The following TSC22D4 variants were observed in gnomAD, a reference collection of about 807,000 sequenced individuals.
TSC22D4 encodes the protein TSC22 domain family member 4, also known as TSC22 domain family protein 4.
A neutral mutation model predicts 24.9 loss-of-function variants in TSC22D4; 5 were observed. That is an observed-to-expected ratio of 0.20 (90% CI 0.10 to 0.42). The LOEUF is 0.42. Ranked by LOEUF, TSC22D4 falls within the 10% of genes least tolerant of loss-of-function variation. TSC22D4 has a pLI of 1.00. For synonymous variants in TSC22D4, 245 were observed against 243.2 expected (o/e 1.01, Z -0.07); for missense variants, 469 against 547.9 (o/e 0.86, Z 1.44).
chr7:100,477,456 G>T lies in TSC22D4; in HGVS notation c.583C>A (p.Pro195Thr). Residue 195 changes from proline (P) to threonine (T), a missense_variant, in exon 2 of 5, where the codon CCC (proline) becomes ACC (threonine). Coordinates refer to ENST00000300181, the MANE Select transcript of TSC22D4 (RefSeq NM_030935.5). This position sits in a 1 kb window ranked among gnomAD's most constrained non-coding sequence, Gnocchi z 7.8. ...PLSASSPQQR[P>T]PEPETGESAG... ...CTCTCACCGGTCTCAGGCTCTGGGG[G>T]GCGCTGCTGGGGTGAGGAGGCCGAC... 1.9e-6 allele frequency: 3 copies of T among 1,561,538 alleles called. No homozygotes were observed. Among genetic ancestry groups the T allele is most frequent in the Non-Finnish European group, 2.6e-6 (3 of 1,154,512 alleles).
chr7:100,472,463 T>G (rs2131046357), intron 3 of TSC22D4, among the ~76,000 whole-genome samples: 1 of 146,744 alleles, frequency 6.8e-6, no homozygotes, highest in African/African-American at 2.6e-5. Context: ...GACGGAGGCC[T>G]CAGGAGGTTG....
At position 100,478,121 on chromosome 7, in the gene TSC22D4, G is replaced by GT; in HGVS notation, c.-84_-83insA. On this transcript the variant is annotated 5_prime_UTR_variant, in exon 2 of 5. The change abolishes the stop of an existing upstream ORF in the 5' untranslated region. Transcript: ENST00000300181. ...GGCTCAGGCACCCCTGGAACAAGGG[G>GT]GCCACATGGCGGGGACATCCGAGCC... is the stretch of plus-strand genomic sequence containing the variant. 1 of 1,238,474 alleles carries GT rather than the reference G, an allele frequency of 8.1e-7. No homozygotes were observed. The highest frequency in any genetic ancestry group is 1.1e-6 in the Non-Finnish European group (1 of 906,440). 76.7% of individuals were successfully genotyped at this position (1,238,474 alleles called of 1,614,324 possible). A position where few individuals can be genotyped will look rare whatever the true frequency, so the allele number is the denominator to read the frequency against.
intron 3 of TSC22D4, chr7:100,467,975 C>T: frequency 2.0e-6 from 1 of 495,018 alleles, no homozygotes; most frequent in Middle Eastern, 3.1e-4. Context: ...GACACCCCCC[C>T]AATGGAGAGG....
Position 100,474,579 on chromosome 7 carries a change from C to T in TSC22D4, c.763-139G>A. The T allele has an allele frequency of 3.0e-6, 3 of 992,712 alleles. No individual in the cohort carries two copies. Among genetic ancestry groups the T allele is most frequent in the Non-Finnish European group, 4.4e-6 (3 of 679,952 alleles). 61.5% of individuals were successfully genotyped at this position (992,712 alleles called of 1,614,324 possible). ...GACCCAGGAGTCCTGTCCCCGCAGT[C>T]CTTCCCTCCTCCAGCTCTGGAGAAG... On this transcript the variant is annotated intron_variant, in intron 2 of 4. Coordinates refer to ENST00000300181, the MANE Select transcript of TSC22D4 (RefSeq NM_030935.5). The surrounding 1 kb of genome is among the most constrained non-coding windows in gnomAD (Gnocchi z 4.3).
intron 3 of TSC22D4, chr7:100,467,969 C>A (rs915266033): frequency 6.0e-6 from 3 of 496,978 alleles, no homozygotes; most frequent in South Asian, 3.1e-5. Flanking sequence ...TCCTTAGACA[C>A]CCCCCCAATG....
Position 100,466,782 on chromosome 7 carries a change from C to T in TSC22D4, c.*177G>A, listed in dbSNP as rs1381965051. 7.2e-6 allele frequency: 5 copies of T among 698,874 alleles called. No individual in the cohort carries two copies. Among genetic ancestry groups the T allele is most frequent in the Admixed American group, 6.1e-5 (2 of 32,882 alleles). The allele number at this position is 698,874 out of a possible 1,614,324, so 43.3% of individuals were successfully genotyped here. On this transcript the variant is annotated 3_prime_UTR_variant, in exon 5 of 5. Coordinates refer to ENST00000300181, the MANE Select transcript of TSC22D4 (RefSeq NM_030935.5). The stretch of plus-strand genomic sequence containing the variant: ...ACGCCCCGTCCTGAAGCCCTCCCTC[C>T]TCCATCAAGGCTGGGGATGATGAGG...
At position 100,477,249 on chromosome 7, in the gene TSC22D4, TG is replaced by T. The variant is rs779928441; in HGVS notation, c.762+27del. On this transcript the variant is annotated intron_variant, in intron 2 of 4. Transcript: ENST00000300181. The surrounding 1 kb of genome is among the most constrained non-coding windows in gnomAD (Gnocchi z 7.8). ...AAGATAGAGGTTAGGCCAGGGCTGA[TG>T]GGCCAGCCCTAGAACCCAGGTCTTA... 2.1e-6 allele frequency: 3 copies of T among 1,449,328 alleles called. No individual in the cohort carries two copies. Among genetic ancestry groups the T allele is most frequent in the Non-Finnish European group, 1.8e-6 (2 of 1,097,136 alleles). 89.8% of individuals were successfully genotyped at this position (1,449,328 alleles called of 1,614,324 possible).
rs779277180 is a variant in TSC22D4, at chr7:100,478,066, G to A, written c.-28C>T. The stretch of plus-strand genomic sequence containing the variant: ...TCCCTGGGGCTCAGGGCTGGGCCAA[G>A]GTTGGGGGTGGGTTGGGGCTCCTTG... On this transcript the variant is annotated 5_prime_UTR_variant, in exon 2 of 5. Transcript: ENST00000300181. 15 of 1,570,020 alleles carry A rather than the reference G, an allele frequency of 9.6e-6. No homozygotes were observed. The highest frequency in any genetic ancestry group is 5.8e-5 in the Admixed American group (3 of 52,098).
In TSC22D4 at chr7:100,466,980, C is replaced by T. The variant is rs910752189; in HGVS notation, c.1167G>A (p.Ala389=). 40 of 1,581,414 alleles carry T rather than the reference C, an allele frequency of 2.5e-5. No individual in the cohort carries two copies. Among genetic ancestry groups the T allele is most frequent in the African/African-American group, 2.2e-4 (16 of 74,292 alleles). ...AGGCTCAGACGGAGGGCCCATTGGG[C>T]GCAGGGGGCCCAAGCCGTGGGACCC... ...SSGVPRLGPP[A]PNGPSV The change falls in exon 5 of 5, where the codon GCG becomes GCA. Residue 389 remains alanine, a synonymous_variant. Transcript: ENST00000300181.
chr7:100,471,143 C>G (rs1799383386), intron 3 of TSC22D4, among the ~76,000 whole-genome samples: 1 of 140,620 alleles, frequency 7.1e-6, no homozygotes, highest in African/African-American at 2.6e-5. Flanking sequence ...GGGCCTAGGT[C>G]TGGGGCCAAG....
At position 100,466,909 on chromosome 7, in the gene TSC22D4, C is replaced by T. The variant is rs1466581181; in HGVS notation, c.*50G>A. On this transcript the variant is annotated 3_prime_UTR_variant, in exon 5 of 5. Transcript: ENST00000300181. ...CTGCATAGGAAGAGGGGGCAGGCGG[C>T]TGACGCAAGGCCGGGCAGCCCCAAA... 1 of 1,469,806 alleles carries T rather than the reference C, an allele frequency of 6.8e-7. No individual in the cohort carries two copies. Among genetic ancestry groups the T allele is most frequent in the Non-Finnish European group, 9.1e-7 (1 of 1,101,846 alleles). The allele number at this position is 1,469,806 out of a possible 1,614,324, so 91.0% of individuals were successfully genotyped here.
rs938225171 is a variant in TSC22D4 at position 100,466,898 on chromosome 7, G to C, written c.*61C>G. ...GGACATTAAAGCTGCATAGGAAGAG[G>C]GGGCAGGCGGCTGACGCAAGGCCGG... On this transcript the variant is annotated 3_prime_UTR_variant, in exon 5 of 5. Coordinates refer to ENST00000300181, the MANE Select transcript of TSC22D4 (RefSeq NM_030935.5). 1.4e-6 allele frequency: 2 copies of C among 1,436,974 alleles called. No homozygotes were observed. The allele number at this position is 1,436,974 out of a possible 1,614,324, so 89.0% of individuals were successfully genotyped here.
chr7:100,468,547 G>A (rs895366931), intron 3 of TSC22D4, among the ~76,000 whole-genome samples: 1 of 152,182 alleles, frequency 6.6e-6, no homozygotes, highest in African/African-American at 2.4e-5. Context: ...GTGACCCCTG[G>A]GATCTGGCCA....
chr7:100,478,135 G>T lies in TSC22D4; in HGVS notation c.-97C>A. ...TGGAACAAGGGGGCCACATGGCGGG[G>T]ACATCCGAGCCCCTGGGGACGTCTG... is the stretch of plus-strand genomic sequence containing the variant. On this transcript the variant is annotated 5_prime_UTR_variant, in exon 2 of 5. Transcript: ENST00000300181. 9.0e-7 allele frequency: 1 copy of T among 1,107,070 alleles called. No homozygotes were observed. The highest frequency in any genetic ancestry group is 1.3e-6 in the Non-Finnish European group (1 of 794,170). The allele number at this position is 1,107,070 out of a possible 1,614,324, so 68.6% of individuals were successfully genotyped here.
intron 3 of TSC22D4, among the ~76,000 whole-genome samples, chr7:100,472,841 C>T (rs375560688): frequency 2.0e-5 from 3 of 152,138 alleles, no homozygotes; most frequent in African/African-American, 4.8e-5. Context: ...CTGATCCCAG[C>T]GAGTGGCCCC....
chr7:100,477,880 C>T lies in TSC22D4; in HGVS notation c.159G>A (p.Gly53=), dbSNP rs1479879356. Residue 53 remains glycine, a synonymous_variant, in exon 2 of 5, where the codon GGG becomes GGA. Coordinates refer to ENST00000300181, the MANE Select transcript of TSC22D4 (RefSeq NM_030935.5). The surrounding 1 kb of genome is among the most constrained non-coding windows in gnomAD (Gnocchi z 7.8). ...LPNGEPSPDP[G]GKGTPRNGSP... Reference sequence around the variant, plus strand: ...AGCCATTCCGGGGGGTGCCCTTGCCCCCCGGATCGGGGCTGGGCTCCCCAT... The same window carrying T: ...AGCCATTCCGGGGGGTGCCCTTGCCTCCCGGATCGGGGCTGGGCTCCCCAT... 6.3e-7 allele frequency: 1 copy of T among 1,579,936 alleles called. No homozygotes were observed. The highest frequency in any genetic ancestry group is 8.6e-7 in the Non-Finnish European group (1 of 1,164,656).
At chr7:100,469,253 A>G (rs991851611) in intron 3 of TSC22D4, among the ~76,000 whole-genome samples, 19 of 149,984 alleles carry the variant, frequency 1.3e-4, no homozygotes, top group Non-Finnish European at 2.8e-4. Flanking sequence ...AAAATCGCCT[A>G]TGGGCCTGGG....
chr7:100,468,956 TG>T (rs1799341999), intron 3 of TSC22D4, among the ~76,000 whole-genome samples: 1 of 147,952 alleles, frequency 6.8e-6, no homozygotes, highest in African/African-American at 2.5e-5. Flanking sequence ...CCAGGTGTGG[TG>T]GCTCACGCTT....
intron 3 of TSC22D4, 76 bp from the exon 4 acceptor site, chr7:100,467,676 C>A (rs762746082): frequency 1.5e-6 from 2 of 1,336,946 alleles, no homozygotes; most frequent in Non-Finnish European, 2.1e-6. Flanking sequence ...CACAGCCTCC[C>A]GCCCACACCC....
Sources: gnomAD v4.1 joint callset for allele counts (sites outside exome capture counted in the v4.1 genomes callset) on GRCh38, gnomAD v4.1.1 for gene constraint, Gnocchi (gnomAD v3.1) non-coding constraint, MANE v1.5 for transcripts, NCBI Gene and HGNC (gene_info 2026-07-23, HGNC 2026-07-21) for gene names.